Variants in ADGRB3 observed in about 807,000 individuals in gnomAD.
ADGRB3 encodes the protein brain-specific angiogenesis inhibitor 3.
In ADGRB3, 37 loss-of-function variants were observed where a neutral mutation model predicts 193.4. That is an observed-to-expected ratio of 0.19 (90% CI 0.15 to 0.25). The LOEUF (loss-of-function observed/expected upper bound fraction) is 0.25. Among genes scored for constraint, ADGRB3 ranks in the 10% least tolerant of loss-of-function variants. The pLI is 1.00. For missense variants in ADGRB3, 1,637 were observed against 1,852.9 expected (o/e 0.88, Z 2.14); for synonymous variants, 690 against 644.2 (o/e 1.07, Z -1.08).
chr6:68,938,251 G>T (rs1767534962), intron 5 of ADGRB3, among the ~76,000 whole-genome samples: 1 of 151,960 alleles, frequency 6.6e-6, no homozygotes, highest in Admixed American at 6.6e-5. Flanking sequence ...AATGTTTAAG[G>T]AGTTTGTGAA....
chr6:68,841,387 A>G (rs149578948), intron 3 of ADGRB3, among the ~76,000 whole-genome samples: 1 of 152,314 alleles, frequency 6.6e-6, no homozygotes, highest in Non-Finnish European at 1.5e-5. Flanking sequence ...AAAAATTTGA[A>G]ATAATATCAG....
chr6:68,779,972 A>G (rs1397311070), intron 3 of ADGRB3, among the ~76,000 whole-genome samples: 2 of 152,114 alleles, frequency 1.3e-5, no homozygotes, highest in Non-Finnish European at 2.9e-5. Context: ...GAAAATAATG[A>G]CTTTCAGCTT....
At chr6:69,262,081 A>C (rs1285027934) in intron 20 of ADGRB3, among the ~76,000 whole-genome samples, 1 of 152,074 alleles carries the variant, frequency 6.6e-6, no homozygotes, top group Non-Finnish European at 1.5e-5. Flanking sequence ...GACAGAAAAT[A>C]GTCATCCCTA....
At chr6:68,976,968 C>T (rs1183889131) in intron 10 of ADGRB3, among the ~76,000 whole-genome samples, 1 of 149,356 alleles carries the variant, frequency 6.7e-6, no homozygotes, top group African/African-American at 2.4e-5. Flanking sequence ...TTATATTTAT[C>T]ACATAAACAT....
At position 69,172,643 on chromosome 6, in the gene ADGRB3, CAAAAAAAAA is replaced by C. The variant is rs70987454; in HGVS notation, c.2481-60626_2481-60618del. ...TGGGCGACAGAGCGAGACTCTGTCT[CAAAAAAAAA>C]AAAAAAAAAAAAAAAAAAAAGAGAA... On this transcript the variant is annotated intron_variant, in intron 17 of 31. Coordinates refer to ENST00000370598, the MANE Select transcript of ADGRB3 (RefSeq NM_001704.3). Among the ~76,000 whole-genome samples the C allele has an allele frequency of 2.0e-3, 53 of 26,826 alleles. 2 individuals carry two copies. Among genetic ancestry groups the C allele is most frequent in the African/African-American group, 4.7e-3 (29 of 6,234 alleles). The allele number at this position is 26,826 out of a possible 152,430, so 17.6% of individuals were successfully genotyped here.
At chr6:69,256,155 C>T (rs1428623761) in intron 20 of ADGRB3, among the ~76,000 whole-genome samples, 1 of 151,202 alleles carries the variant, frequency 6.6e-6, no homozygotes, top group African/African-American at 2.4e-5. Context: ...CAGCTTTGTT[C>T]TTTTGGCTTA....
chr6:68,877,539 T>C (rs1401433320), intron 3 of ADGRB3, among the ~76,000 whole-genome samples: 1 of 152,138 alleles, frequency 6.6e-6, no homozygotes, highest in African/African-American at 2.4e-5. Context: ...TATACTTTCA[T>C]TGAAGGCAGG....
chr6:69,151,766 A>C (rs569374924), intron 17 of ADGRB3, among the ~76,000 whole-genome samples: 21 of 152,314 alleles, frequency 1.4e-4, no homozygotes, highest in African/African-American at 4.8e-4. Context: ...ACTTGACCAA[A>C]GCTCACAAGT....
rs3799074 is a variant in ADGRB3, at chr6:69,268,522, G to C, written c.2814+29296G>C. 3.3e-5 allele frequency among the ~76,000 whole-genome samples: 5 copies of C among 152,252 alleles called. No individual in the cohort carries two copies. In the East Asian group the frequency reaches 7.7e-4, roughly 24 times the overall value. On this transcript the variant is annotated intron_variant, in intron 20 of 31. Coordinates refer to ENST00000370598, the MANE Select transcript of ADGRB3 (RefSeq NM_001704.3). ...TCTCTAACATTTTAAGGCAGCCAGA[G>C]GGATGATTTGCTTTCAGGCTCCTAG... is the stretch of plus-strand genomic sequence containing the variant.
Position 69,361,135 on chromosome 6 carries a change from A to G in ADGRB3, c.3862A>G (p.Asn1288Asp), listed in dbSNP as rs539620519. 1 of 1,612,922 alleles carries G rather than the reference A, an allele frequency of 6.2e-7. No homozygotes were observed. Among genetic ancestry groups the G allele is most frequent in the East Asian group, 2.2e-5 (1 of 44,826 alleles). ...RRTVYLCTDD[N>D]LRGADMDIVH... ...AACTGTGTACTTATGTACGGATGAT[A>G]ATTTGAGAGGGGCTGACATGGACAT... The change falls in exon 29 of 32, where the codon AAT becomes GAT. Residue 1288 changes from asparagine (N) to aspartate (D), a missense_variant. Transcript: ENST00000370598.
intron 3 of ADGRB3, among the ~76,000 whole-genome samples, chr6:68,885,106 G>A (rs1765870922): frequency 1.3e-5 from 2 of 152,120 alleles, no homozygotes; most frequent in Admixed American, 1.3e-4. Context: ...TAATTGTGCA[G>A]AAAATGATTG....
chr6:68,861,529 T>A (rs1177686795), intron 3 of ADGRB3, among the ~76,000 whole-genome samples: 1 of 151,904 alleles, frequency 6.6e-6, no homozygotes, highest in Non-Finnish European at 1.5e-5. Flanking sequence ...GCCACTGCAC[T>A]CCAGCCTGGG....
Position 68,691,096 on chromosome 6 carries a change from A to C in ADGRB3, c.757+51664A>C, listed in dbSNP as rs549334311. Reference sequence around the variant, plus strand: ...GTTTCATTTTTTGTTACTTCAGGACAAAAGTTAAAATGCATATAGGATCAA... The same window carrying C: ...GTTTCATTTTTTGTTACTTCAGGACCAAAGTTAAAATGCATATAGGATCAA... On this transcript the variant is annotated intron_variant, in intron 3 of 31. Coordinates refer to ENST00000370598, the MANE Select transcript of ADGRB3 (RefSeq NM_001704.3). Among the ~76,000 whole-genome samples the C allele has an allele frequency of 2.0e-5, 3 of 151,710 alleles. No individual in the cohort carries two copies. The South Asian group carries it at 6.2e-4, about 32-fold the overall frequency.
At chr6:69,226,398 C>T (rs1766016703) in intron 17 of ADGRB3, among the ~76,000 whole-genome samples, 1 of 152,146 alleles carries the variant, frequency 6.6e-6, no homozygotes, top group Non-Finnish European at 1.5e-5. Flanking sequence ...TTATTAAGCA[C>T]CTACTATGTG....
chr6:68,773,587 T>G (rs1314576267), intron 3 of ADGRB3, among the ~76,000 whole-genome samples: 2 of 152,152 alleles, frequency 1.3e-5, no homozygotes, highest in Non-Finnish European at 2.9e-5. Flanking sequence ...AGATAGAAAT[T>G]TATGCTCTCT....
chr6:69,101,259 C>T (rs1207026342), intron 17 of ADGRB3, among the ~76,000 whole-genome samples: 4 of 152,052 alleles, frequency 2.6e-5, no homozygotes, highest in South Asian at 2.1e-4. Context: ...TAAGGGTTAA[C>T]GCATATAGCA....
At chr6:68,773,123 A>C (rs1417100566) in intron 3 of ADGRB3, among the ~76,000 whole-genome samples, 1 of 151,716 alleles carries the variant, frequency 6.6e-6, no homozygotes, top group Non-Finnish European at 1.5e-5. Flanking sequence ...TTAAACAAAC[A>C]AACAAACATA....
At chr6:68,763,193 C>T (rs1766445575) in intron 3 of ADGRB3, among the ~76,000 whole-genome samples, 1 of 152,048 alleles carries the variant, frequency 6.6e-6, no homozygotes, top group African/African-American at 2.4e-5. Flanking sequence ...CAGGGTCAAG[C>T]GATTCTCCTG....
intron 23 of ADGRB3, chr6:69,332,070 C>T (rs1768742356): frequency 1.0e-6 from 1 of 985,098 alleles, no homozygotes; most frequent in Non-Finnish European, 1.2e-6. Flanking sequence ...GCCAGAAAGG[C>T]AAAAAGAAGA....
Sources: allele counts gnomAD v4.1 joint callset (sites outside exome capture counted in the v4.1 genomes callset), GRCh38; gene constraint gnomAD v4.1.1; transcripts MANE v1.5; gene names NCBI Gene and HGNC (gene_info 2026-07-23, HGNC 2026-07-21).